EFCAB5: variants seen among roughly 807,000 people sequenced by gnomAD.
The protein encoded by EFCAB5 is EF-hand calcium-binding domain-containing protein 5.
EFCAB5 carries 131 observed loss-of-function variants against 167.9 expected under a neutral mutation model. The observed-to-expected ratio is 0.78, with a 90% CI of 0.68 to 0.90. EFCAB5 has a LOEUF of 0.90. EFCAB5 is among the 40% of genes least tolerant of loss of function. EFCAB5 has a pLI of 0.00. For synonymous variants in EFCAB5, 574 were observed against 602.8 expected (o/e 0.95, Z 0.70); for missense variants, 1,663 against 1,745.2 (o/e 0.95, Z 0.84).
intron 3 of EFCAB5, among the ~76,000 whole-genome samples, chr17:29,945,674 C>T (rs185839661): frequency 1.3e-5 from 2 of 152,030 alleles, no homozygotes; most frequent in African/African-American, 4.8e-5. Flanking sequence ...AATAGAGAAC[C>T]CAGAAATAAA....
intron 7 of EFCAB5, among the ~76,000 whole-genome samples, chr17:30,003,105 G>T (rs114374696): frequency 0.037 from 5,250 of 140,992 alleles, 146 homozygotes; most frequent in Middle Eastern, 0.075. Context: ...GTAGCGGGGG[G>T]GGGGTCTGAT....
At chr17:29,988,788 A>C (rs2068345899) in intron 4 of EFCAB5, among the ~76,000 whole-genome samples, 1 of 152,208 alleles carries the variant, frequency 6.6e-6, no homozygotes, top group African/African-American at 2.4e-5. Flanking sequence ...AATTTGATCC[A>C]AAAAAGGAGT....
Position 29,941,745 on chromosome 17 carries a change from C to T in EFCAB5, c.-52C>T, listed in dbSNP as rs2067300450. On this transcript the variant is annotated 5_prime_UTR_variant, in exon 1 of 23. Coordinates refer to ENST00000394835, the MANE Select transcript of EFCAB5 (RefSeq NM_198529.4). Reference sequence around the variant, plus strand: ...ATTTTCTTTCTTTTTGTTATTAATACTGGTCTAGTAATATTCTTCTATACC... The same window carrying T: ...ATTTTCTTTCTTTTTGTTATTAATATTGGTCTAGTAATATTCTTCTATACC... 2 of 1,443,688 alleles carry T rather than the reference C, an allele frequency of 1.4e-6. No homozygotes were observed. Among genetic ancestry groups the T allele is most frequent in the Non-Finnish European group, 9.5e-7 (1 of 1,053,484 alleles). 89.4% of individuals were successfully genotyped at this position (1,443,688 alleles called of 1,614,324 possible). A position where few individuals can be genotyped will look rare whatever the true frequency, so the allele number is the denominator to read the frequency against.
At position 30,053,737 on chromosome 17, in the gene EFCAB5, G is replaced by T. The variant is rs766153563; in HGVS notation, c.1783G>T (p.Glu595Ter). ...AGGACCACGCAGAGTGTCAGTTTCA[G>T]AACAAGGATCAAGCAGAGAGTCAGT... ...GQGPRRVSVS[E>*]QGSSRESVAE... The change falls in exon 10 of 23, where the codon GAA becomes TAA. Residue 595 changes from glutamate (E) to a stop codon, truncating the protein, a stop_gained. Coordinates refer to ENST00000394835, the MANE Select transcript of EFCAB5 (RefSeq NM_198529.4). LOFTEE classifies it high-confidence loss of function. 6.2e-6 allele frequency: 10 copies of T among 1,613,880 alleles called. No individual in the cohort carries two copies. The East Asian group carries it at 2.2e-4, about 36-fold the overall frequency.
chr17:30,038,990 A>G (rs2069697487), intron 8 of EFCAB5, among the ~76,000 whole-genome samples: 1 of 152,162 alleles, frequency 6.6e-6, no homozygotes, highest in Non-Finnish European at 1.5e-5. Flanking sequence ...CCAAACTCTC[A>G]GCAATGCAGA....
In EFCAB5 at chr17:30,051,202, C is replaced by T. The variant is rs374541486; in HGVS notation, c.1285C>T (p.Arg429Ter). Residue 429 changes from arginine to a stop codon, truncating the protein, a stop_gained, in exon 9 of 23, where the codon CGA (arginine) becomes TGA (stop). Coordinates refer to ENST00000394835, the MANE Select transcript of EFCAB5 (RefSeq NM_198529.4). LOFTEE classifies it high-confidence loss of function. ...TTCACAAATGCTTAGGAGTTTACTT[C>T]GAAACCCACGACAATGTAAGTGCCG... ...HSSQMLRSLL[R>*]NPRQWPFIEF... is the part of the protein sequence containing the mutation. The T allele has an allele frequency of 1.1e-5, 18 of 1,613,802 alleles. No individual in the cohort carries two copies. The highest frequency in any genetic ancestry group is 4.5e-5 in the East Asian group (2 of 44,886).
At chr17:29,952,799 A>G (rs1333215220) in intron 3 of EFCAB5, among the ~76,000 whole-genome samples, 1 of 152,160 alleles carries the variant, frequency 6.6e-6, no homozygotes, top group African/African-American at 2.4e-5. Flanking sequence ...GCTTTAATAT[A>G]TAGGTAATTT....
intron 14 of EFCAB5, chr17:30,074,753 T>G (rs1317477417): frequency 1.3e-5 from 2 of 152,204 alleles, no homozygotes; most frequent in Non-Finnish European, 2.9e-5. Context: ...CCTTTTAACA[T>G]GCATCCCTCA....
intron 3 of EFCAB5, 114 bp downstream of exon 3, chr17:29,943,763 C>T (rs1218976236): frequency 1.3e-6 from 1 of 798,726 alleles, no homozygotes; most frequent in Non-Finnish European, 1.8e-6. Flanking sequence ...CATCAGAGGT[C>T]AGGAGTTCGA....
At chr17:30,068,255 T>G (rs1470223912) in intron 14 of EFCAB5, among the ~76,000 whole-genome samples, 1 of 151,116 alleles carries the variant, frequency 6.6e-6, no homozygotes, top group Non-Finnish European at 1.5e-5. Flanking sequence ...TGAGCTGAGA[T>G]GGCGCCACTG....
chr17:29,947,846 G>C lies in EFCAB5; in HGVS notation c.190+4197G>C, dbSNP rs1567671812. On this transcript the variant is annotated intron_variant, in intron 3 of 22. Transcript: ENST00000394835. ...CATTTTATTTTATTTTATTTTTTGA[G>C]ATGGAGTCTTGCTCTGTCGTCCAGG... 2.0e-5 allele frequency among the ~76,000 whole-genome samples: 3 copies of C among 151,962 alleles called. No individual in the cohort carries two copies. In the South Asian group the frequency reaches 6.2e-4, roughly 32 times the overall value.
upstream of EFCAB5, among the ~76,000 whole-genome samples, chr17:29,940,635 T>C (rs2067285402): frequency 6.6e-6 from 1 of 152,198 alleles, no homozygotes; most frequent in Non-Finnish European, 1.5e-5. Flanking sequence ...TATTATTTAT[T>C]AAGTGAGTCA....
At chr17:30,085,547 C>T (rs2071070966) in intron 18 of EFCAB5, among the ~76,000 whole-genome samples, 1 of 151,936 alleles carries the variant, frequency 6.6e-6, no homozygotes, top group South Asian at 2.1e-4. Context: ...GGTGAAACCC[C>T]GTCTCTACTA....
intron 14 of EFCAB5, chr17:30,069,297 A>C: frequency 2.0e-6 from 3 of 1,493,912 alleles, no homozygotes; most frequent in Non-Finnish European, 2.8e-6. Flanking sequence ...GGCAAAGGTG[A>C]AGATGAGTTA....
intron 3 of EFCAB5, among the ~76,000 whole-genome samples, chr17:29,967,413 C>T (rs1011885087): frequency 1.3e-5 from 2 of 152,144 alleles, no homozygotes; most frequent in African/African-American, 2.4e-5. Flanking sequence ...CCTTCTGGTG[C>T]CTGATGATTA....
chr17:29,991,284 C>T (rs978588383), intron 4 of EFCAB5, among the ~76,000 whole-genome samples: 11 of 152,144 alleles, frequency 7.2e-5, no homozygotes, highest in Non-Finnish European at 1.6e-4. Flanking sequence ...TCATGGAGAC[C>T]CTAACCCAGT....
chr17:30,000,145 A>G (rs2068631438), intron 7 of EFCAB5, among the ~76,000 whole-genome samples, 169 bp downstream of exon 7: 1 of 152,196 alleles, frequency 6.6e-6, no homozygotes, highest in African/African-American at 2.4e-5. Context: ...AAATTTTACA[A>G]TTTCTTTCAA....
intron 4 of EFCAB5, chr17:29,972,572 C>G (rs2067980220): frequency 6.6e-6 from 1 of 152,546 alleles, no homozygotes; most frequent in East Asian, 1.9e-4. Flanking sequence ...CTGGGCCATG[C>G]CTGCTCTTGC....
At chr17:30,066,489 C>T (rs2070575347) in intron 14 of EFCAB5, among the ~76,000 whole-genome samples, 1 of 151,832 alleles carries the variant, frequency 6.6e-6, no homozygotes. Flanking sequence ...AGAAACAGAA[C>T]ATACTAAAAC....
Sources: allele counts gnomAD v4.1 joint callset (sites outside exome capture counted in the v4.1 genomes callset), GRCh38; gene constraint gnomAD v4.1.1; transcripts MANE v1.5; gene names NCBI Gene and HGNC (gene_info 2026-07-23, HGNC 2026-07-21).